The following LHCGR variants were observed in gnomAD, a reference collection of about 807,000 sequenced individuals.
LHCGR encodes the protein lutropin-choriogonadotropic hormone receptor.
Under a neutral mutation model 60.7 loss-of-function variants are expected in LHCGR, and 55 were observed. That is an observed-to-expected ratio of 0.91 (90% CI 0.73 to 1.13). The LOEUF (loss-of-function observed/expected upper bound fraction) is 1.13, where lower values mean the gene tolerates loss of function less well. LHCGR is among the 50% of genes most tolerant of loss of function. LHCGR has a pLI of 0.00. For missense variants in LHCGR, 862 were observed against 836.0 expected (o/e 1.03, Z -0.38); for synonymous variants, 337 against 316.5 (o/e 1.06, Z -0.69).
chr2:48,687,959 G>C lies in LHCGR; in HGVS notation c.1838C>G (p.Pro613Arg), dbSNP rs763601931. The C allele has an allele frequency of 6.2e-7, 1 of 1,613,974 alleles. No individual in the cohort carries two copies. Among genetic ancestry groups the C allele is most frequent in the South Asian group, 1.1e-5 (1 of 91,076 alleles). ...NSKVLLVLFY[P>R]INSCANPFLY... ...AAATGGATTGGCACAAGAATTGATG[G>C]GATAAAAAAGAACCAGTAAAACTTT... Residue 613 changes from proline to arginine, a missense_variant, in exon 11 of 11, where the codon CCC (proline) becomes CGC (arginine). By Grantham distance (103) the Pro-to-Arg change is moderately radical. Coordinates refer to ENST00000294954, the MANE Select transcript of LHCGR (RefSeq NM_000233.4).
intron 3 of LHCGR, 58 bp from the exon 4 acceptor site, chr2:48,725,808 T>C (rs759409742): frequency 9.4e-5 from 127 of 1,347,882 alleles, no homozygotes; most frequent in Non-Finnish European, 1.2e-4. Flanking sequence ...TTGTTTGAAA[T>C]GTGTGAGATC....
rs903368691 is a variant in LHCGR at position 48,723,549 on chromosome 2, G to A, written c.459-16C>T. ...ACAAATTTCCCTTGAGGAAAGAAAT[G>A]AGAAATATTTACTTTCTAAATTTTA... is the stretch of plus-strand genomic sequence containing the variant. On this transcript the variant is annotated splice_polypyrimidine_tract_variant and intron_variant, in intron 5 of 10. Coordinates refer to ENST00000294954, the MANE Select transcript of LHCGR (RefSeq NM_000233.4). 19 of 1,608,044 alleles carry A rather than the reference G, an allele frequency of 1.2e-5. No individual in the cohort carries two copies. The highest frequency in any genetic ancestry group is 1.4e-5 in the Non-Finnish European group (16 of 1,174,468).
At chr2:48,745,806 C>G (rs1305873166) in intron 1 of LHCGR, among the ~76,000 whole-genome samples, 1 of 151,038 alleles carries the variant, frequency 6.6e-6, no homozygotes, top group Non-Finnish European at 1.5e-5. Context: ...TGTAACTAAC[C>G]TGCATGTTGT....
Position 48,714,062 on chromosome 2 carries a change from AG to A in LHCGR, c.537-9del. The A allele has an allele frequency of 6.2e-7, 1 of 1,605,570 alleles. No homozygotes were observed. Among genetic ancestry groups the A allele is most frequent in the Non-Finnish European group, 8.5e-7 (1 of 1,172,290 alleles). ...CCATTTCCATATAGTTTGCTGAAGG[AG>A]GGAGGAGAGGGTTTAGGAATGGGAA... On this transcript the variant is annotated splice_polypyrimidine_tract_variant and intron_variant, in intron 6 of 10. Coordinates refer to ENST00000294954, the MANE Select transcript of LHCGR (RefSeq NM_000233.4).
intron 1 of LHCGR, among the ~76,000 whole-genome samples, chr2:48,736,685 T>C (rs1400432613): frequency 6.6e-6 from 1 of 152,224 alleles, no homozygotes; most frequent in African/African-American, 2.4e-5. Flanking sequence ...AGGTGGGCTC[T>C]AGTGTCCCCC....
At position 48,723,504 on chromosome 2, in the gene LHCGR, G is replaced by T; in HGVS notation, c.488C>A (p.Thr163Asn). Residue 163 changes from threonine to asparagine, a missense_variant, in exon 6 of 11, where the codon ACC (threonine) becomes AAC (asparagine). Thr to Asn is a moderately conservative substitution (Grantham distance 65, BLOSUM62 0). Coordinates refer to ENST00000294954, the MANE Select transcript of LHCGR (RefSeq NM_000233.4). ...LEICDNLHIT[T>N]IPGNAFQGMN... ...CCCTTGAAAAGCATTTCCTGGTATGGTGGTTATGTGTAAGTTATCACAAAT... is the reference window on the plus strand; with the variant it reads ...CCCTTGAAAAGCATTTCCTGGTATGTTGGTTATGTGTAAGTTATCACAAAT... 1 of 1,612,700 alleles carries T rather than the reference G, an allele frequency of 6.2e-7. No individual in the cohort carries two copies. The highest frequency in any genetic ancestry group is 8.5e-7 in the Non-Finnish European group (1 of 1,178,736).
At position 48,755,676 on chromosome 2, in the gene LHCGR, G is replaced by T; in HGVS notation, c.-5C>A. The T allele has an allele frequency of 7.8e-6, 12 of 1,534,720 alleles. No homozygotes were observed. The highest frequency in any genetic ancestry group is 1.0e-5 in the Non-Finnish European group (12 of 1,146,298). Reference sequence around the variant, plus strand: ...CGCCGAGAACCGCTGCTTCATGGCCGGCGAACTGGGCTTCTGCGGCTTGCC... The same window carrying T: ...CGCCGAGAACCGCTGCTTCATGGCCTGCGAACTGGGCTTCTGCGGCTTGCC... On this transcript the variant is annotated 5_prime_UTR_variant, in exon 1 of 11. Transcript: ENST00000294954.
intron 1 of LHCGR, among the ~76,000 whole-genome samples, chr2:48,742,530 T>A (rs1669506598): frequency 6.6e-6 from 1 of 151,842 alleles, no homozygotes; most frequent in Non-Finnish European, 1.5e-5. Flanking sequence ...AACTCAGGAT[T>A]AAGAATCTCA....
chr2:48,728,895 A>G (rs1668862486), intron 3 of LHCGR, among the ~76,000 whole-genome samples: 1 of 152,224 alleles, frequency 6.6e-6, no homozygotes, highest in African/African-American at 2.4e-5. Context: ...GCAGGAGTTC[A>G]TAATGTCAAT....
At chr2:48,719,061 G>A (rs533775643) in intron 6 of LHCGR, among the ~76,000 whole-genome samples, 181 of 152,320 alleles carry the variant, frequency 1.2e-3, no homozygotes, top group African/African-American at 4.0e-3. Flanking sequence ...GGTGGCTCAC[G>A]CCTGTAATCC....
intron 4 of LHCGR, among the ~76,000 whole-genome samples, chr2:48,724,509 CA>C (rs1472683784): frequency 1.3e-5 from 2 of 152,152 alleles, no homozygotes; most frequent in Non-Finnish European, 2.9e-5. Flanking sequence ...CCTTCTTATC[CA>C]AAAGCCCAGG....
intron 5 of LHCGR, 41 bp downstream of exon 5, chr2:48,723,581 A>T: frequency 6.2e-7 from 1 of 1,604,754 alleles, no homozygotes. Context: ...TTTAGCTGCA[A>T]ATAGGAAACT....
chr2:48,739,472 C>T (rs1322207077), intron 1 of LHCGR, among the ~76,000 whole-genome samples: 1 of 152,166 alleles, frequency 6.6e-6, no homozygotes, highest in East Asian at 1.9e-4. Context: ...CCATGGAATA[C>T]TATGCAGCCA....
intron 1 of LHCGR, among the ~76,000 whole-genome samples, chr2:48,745,860 TA>T (rs1359419491): frequency 6.7e-6 from 1 of 148,162 alleles, no homozygotes; most frequent in African/African-American, 2.5e-5. Flanking sequence ...AATAAATAAA[TA>T]AAAAATTAAA....
intron 3 of LHCGR, 71 bp from the exon 4 acceptor site, chr2:48,725,821 G>T: frequency 7.9e-7 from 1 of 1,272,094 alleles, no homozygotes; most frequent in Non-Finnish European, 1.1e-6. Flanking sequence ...GTGAGATCAT[G>T]GTCACCAGAA....
At chr2:48,752,898 C>A (rs1670026184) in intron 1 of LHCGR, among the ~76,000 whole-genome samples, 1 of 137,542 alleles carries the variant, frequency 7.3e-6, no homozygotes, top group Non-Finnish European at 1.5e-5. Flanking sequence ...TCCCTCAATT[C>A]TGCTTATTTT....
chr2:48,697,114 C>A (rs569136757), intron 9 of LHCGR, among the ~76,000 whole-genome samples: 1 of 152,216 alleles, frequency 6.6e-6, no homozygotes, highest in South Asian at 2.1e-4. Flanking sequence ...GACTCATCTT[C>A]TTCCATGTGT....
At chr2:48,719,618 C>G (rs1668416494) in intron 6 of LHCGR, among the ~76,000 whole-genome samples, 1 of 152,156 alleles carries the variant, frequency 6.6e-6, no homozygotes, top group Admixed American at 6.5e-5. Flanking sequence ...ATTTAATGAA[C>G]AACCAAAGTG....
chr2:48,731,106 G>A (rs1366362948), intron 2 of LHCGR, 121 bp downstream of exon 2: 5 of 666,066 alleles, frequency 7.5e-6, no homozygotes, highest in East Asian at 2.7e-5. Flanking sequence ...ATAAAAATAT[G>A]TGAGTATCCT....
Sources: gnomAD v4.1 joint callset for allele counts (sites outside exome capture counted in the v4.1 genomes callset) on GRCh38, gnomAD v4.1.1 for gene constraint, MANE v1.5 for transcripts, NCBI Gene and HGNC (gene_info 2026-07-23, HGNC 2026-07-21) for gene names.